MED13L: variants seen among roughly 807,000 people sequenced by gnomAD.
The protein encoded by MED13L is mediator of RNA polymerase II transcription subunit 13-like.
A neutral mutation model predicts 220.9 loss-of-function variants in MED13L; 7 were observed. The ratio of observed to expected loss-of-function variants is 0.03; its 90% CI spans 0.02 to 0.06. The LOEUF (loss-of-function observed/expected upper bound fraction) is 0.06. Among genes scored for constraint, MED13L ranks in the 10% least tolerant of loss-of-function variants. The probability of loss-of-function intolerance (pLI) is 1.00; values close to 1 mark genes in which losing one functional copy is unlikely to be tolerated. For synonymous variants in MED13L, 1,011 were observed against 1,015.2 expected, an observed-to-expected ratio of 1.00 and a Z score of 0.08; for missense variants, 1,965 against 2,760.5, an observed-to-expected ratio of 0.71 and a Z score of 6.46.
At chr12:116,153,780 A>C (rs1488101644) in intron 2 of MED13L, among the ~76,000 whole-genome samples, 1 of 152,184 alleles carries the variant, frequency 6.6e-6, no homozygotes, top group Non-Finnish European at 1.5e-5. Context: ...ATATGCAAAT[A>C]GTATATCTGG....
intron 22 of MED13L, 96 bp downstream of exon 22, chr12:115,982,288 C>G: frequency 7.6e-7 from 1 of 1,313,346 alleles, no homozygotes; most frequent in Non-Finnish European, 1.1e-6. Context: ...TTAACCTGTA[C>G]TTCCATTTTT....
rs777337726 is a variant in MED13L at position 116,008,619 on chromosome 12, T to C, written c.1794A>G (p.Arg598=). The C allele has an allele frequency of 1.2e-6, 2 of 1,614,074 alleles. No individual in the cohort carries two copies. Among genetic ancestry groups the C allele is most frequent in the Non-Finnish European group, 1.7e-6 (2 of 1,180,000 alleles). Residue 598 remains arginine, a synonymous_variant, in exon 10 of 31, where the codon AGA becomes AGG. Coordinates refer to ENST00000281928, the MANE Select transcript of MED13L (RefSeq NM_015335.5). ...GCAGTCTTTGGCCTACGAGGACAGT[T>C]CTGTCATCCAGAGTAGACAACTGCT... ...ELQQLSTLDD[R]TVLVGQRLPL... is the part of the protein sequence containing the mutation.
chr12:116,120,549 C>A (rs934549720), intron 2 of MED13L, among the ~76,000 whole-genome samples: 2 of 138,490 alleles, frequency 1.4e-5, no homozygotes, highest in Non-Finnish European at 1.5e-5. Context: ...GGGGAAAATA[C>A]ATAAAGAGGG....
chr12:116,075,716 C>G (rs144432091), intron 4 of MED13L, among the ~76,000 whole-genome samples: 55 of 152,286 alleles, frequency 3.6e-4, no homozygotes, highest in African/African-American at 1.3e-3. Context: ...AGGAAATAGA[C>G]TTCCTTTCTG....
chr12:116,202,572 AG>A lies in MED13L; in HGVS notation c.310+34895del, dbSNP rs1318458212. Among the ~76,000 whole-genome samples, 4 of 152,308 alleles carry A rather than the reference AG, an allele frequency of 2.6e-5. No homozygotes were observed. In the East Asian group the frequency reaches 7.7e-4, roughly 29 times the overall value. On this transcript the variant is annotated intron_variant, in intron 2 of 30. Transcript: ENST00000281928. ...GGTTGAAAAAGCACAGCCTTATTAG[AG>A]ATCAGTTAGAATTGCAATTCTAACT...
At chr12:115,993,453 T>C (rs1471738464) in intron 16 of MED13L, among the ~76,000 whole-genome samples, 1 of 152,142 alleles carries the variant, frequency 6.6e-6, no homozygotes, top group Non-Finnish European at 1.5e-5. Flanking sequence ...TTCCTTGTGA[T>C]TTTTAATTAG....
chr12:116,010,730 C>T (rs1012677966), intron 9 of MED13L, among the ~76,000 whole-genome samples: 2 of 152,042 alleles, frequency 1.3e-5, no homozygotes, highest in Non-Finnish European at 2.9e-5. Flanking sequence ...AGAAGGATTA[C>T]AATAGGCATT....
At chr12:116,041,581 A>C (rs1881530698) in intron 4 of MED13L, among the ~76,000 whole-genome samples, 1 of 152,246 alleles carries the variant, frequency 6.6e-6, no homozygotes, top group Non-Finnish European at 1.5e-5. Context: ...GCGGTGGCTC[A>C]TGCCTGCAAT....
intron 1 of MED13L, chr12:116,276,308 TTGTGTGTGTGTGTGTGTGTGTGTGTGTG>T (rs372521434): frequency 1.8e-5 from 4 of 224,814 alleles, no homozygotes; most frequent in Middle Eastern, 1.8e-3. Flanking sequence ...CTTGTTGCTT[TTGTGTGTGTGTGTGTGTGTGTGTGTGTG>T]TGTGTGTGTG....
At chr12:115,967,379 TGG>T (rs1390954804) in intron 28 of MED13L, among the ~76,000 whole-genome samples, 7 of 152,158 alleles carry the variant, frequency 4.6e-5, no homozygotes, top group African/African-American at 1.7e-4. Context: ...GAAAGCCTCT[TGG>T]AGGTCACCTG....
At position 116,008,672 on chromosome 12, in the gene MED13L, C is replaced by A; in HGVS notation, c.1741G>T (p.Ala581Ser). The A allele has an allele frequency of 6.2e-7, 1 of 1,614,056 alleles. No individual in the cohort carries two copies. Among genetic ancestry groups the A allele is most frequent in the South Asian group, 1.1e-5 (1 of 91,076 alleles). ...LDPPSVPVNP[A>S]LYGNGLELQQ... ...AGTTCTAGTCCATTTCCATAAAGGG[C>A]TGGATTCACAGGGACCGATGGTGGG... Residue 581 changes from alanine (A) to serine (S), a missense_variant, in exon 10 of 31, where the codon GCC becomes TCC. Physicochemically the swap from Ala to Ser is moderately conservative, Grantham distance 99. Around this residue, in one of 10 missense-constraint regions of MED13L, gnomAD observed 818 missense variants for 1,041.2 expected, o/e 0.79. Transcript: ENST00000281928.
rs1384271430 is a variant in MED13L at position 115,995,547 on chromosome 12, C to T, written c.2996+929G>A. 2.0e-5 allele frequency among the ~76,000 whole-genome samples: 3 copies of T among 152,086 alleles called. No individual in the cohort carries two copies. In the East Asian group the frequency reaches 5.8e-4, roughly 29 times the overall value. On this transcript the variant is annotated intron_variant, in intron 16 of 30. Transcript: ENST00000281928. ...CAAGTGATTCTCCTGCCTCAGCCTC[C>T]CAAGCAGCTGGGTCACAGACACACA...
chr12:116,104,282 C>A (rs1593048286), intron 3 of MED13L, among the ~76,000 whole-genome samples: 1 of 152,012 alleles, frequency 6.6e-6, no homozygotes, highest in African/African-American at 2.4e-5. Flanking sequence ...AGTGCTGGGA[C>A]TACAGGTGTG....
chr12:116,202,353 T>C (rs552641949), intron 2 of MED13L, among the ~76,000 whole-genome samples: 97 of 152,164 alleles, frequency 6.4e-4, no homozygotes, highest in Middle Eastern at 3.2e-3. Flanking sequence ...CAGATATAAG[T>C]ACCCTTCGTT....
chr12:115,976,332 A>G (rs1297439381), intron 23 of MED13L, among the ~76,000 whole-genome samples: 1 of 152,252 alleles, frequency 6.6e-6, no homozygotes, highest in Non-Finnish European at 1.5e-5. Context: ...TTAAACAGCA[A>G]TGAGAATGAA....
chr12:116,020,036 C>T, intron 5 of MED13L, 64 bp from the exon 6 acceptor site: 1 of 1,403,416 alleles, frequency 7.1e-7, no homozygotes, highest in South Asian at 1.2e-5. Context: ...AAGTGCAACA[C>T]TACATATGTG....
chr12:116,209,788 G>C (rs1882577691), intron 2 of MED13L, among the ~76,000 whole-genome samples: 1 of 152,122 alleles, frequency 6.6e-6, no homozygotes, highest in South Asian at 2.1e-4. Context: ...AAATGATACA[G>C]AGCCCTCAAA....
chr12:116,096,499 T>A (rs1487917938), intron 4 of MED13L, among the ~76,000 whole-genome samples, 170 bp downstream of exon 4: 1 of 151,878 alleles, frequency 6.6e-6, no homozygotes, highest in Non-Finnish European at 1.5e-5. Context: ...AATCAATCTT[T>A]AATATTGAAT....
chr12:116,046,701 C>T (rs1004342073), intron 4 of MED13L, among the ~76,000 whole-genome samples: 9 of 152,254 alleles, frequency 5.9e-5, no homozygotes, highest in South Asian at 2.1e-4. Context: ...AGGCCGGGTG[C>T]GGTGGCTCAC....
Sources: allele counts gnomAD v4.1 joint callset (sites outside exome capture counted in the v4.1 genomes callset), GRCh38; gene constraint gnomAD v4.1.1; regional missense constraint gnomAD v4.1.1; transcripts MANE v1.5; gene names NCBI Gene and HGNC (gene_info 2026-07-23, HGNC 2026-07-21).